Variants in GDF2 observed in about 807,000 individuals in gnomAD.
The protein encoded by GDF2 is growth differentiation factor 2.
A neutral mutation model predicts 16.9 loss-of-function variants in GDF2; 17 were observed. That is an observed-to-expected ratio of 1.00 (90% CI 0.69 to 1.51). The LOEUF (loss-of-function observed/expected upper bound fraction) is 1.51. GDF2 is among the 40% of genes most tolerant of loss of function. GDF2 has a pLI of 0.00. For synonymous variants in GDF2, 276 were observed against 237.6 expected (o/e 1.16, Z -1.49); for missense variants, 523 against 556.3 (o/e 0.94, Z 0.60).
In GDF2 at chr10:47,322,738, C is replaced by T. The variant is rs1657354184; in HGVS notation, c.70C>T (p.Pro24Ser). 2 of 1,607,832 alleles carry T rather than the reference C, an allele frequency of 1.2e-6. No individual in the cohort carries two copies. The highest frequency in any genetic ancestry group is 1.7e-6 in the Non-Finnish European group (2 of 1,176,194). The part of the protein sequence containing the change: ...SLLAGSLQGK[P>S]LQSWGRGSAG... ...GCTGGCTGGCTCCCTACAGGGGAAG[C>T]CACTGCAGAGCTGGGGACGAGGGTC... Residue 24 changes from proline to serine, a missense_variant, in exon 1 of 2, where the codon CCA becomes TCA. Physicochemically the swap from Pro to Ser is moderately conservative, Grantham distance 74. Transcript: ENST00000581492.
rs2132233844 is a variant in GDF2, at chr10:47,322,567, A to G, written c.-102A>G. ...CCAGGACGGTTCCTTCAGAGCAAAC[A>G]GCAGGGAGATGCCGGCCCGCTCCTT... On this transcript the variant is annotated 5_prime_UTR_variant, in exon 1 of 2. Coordinates refer to ENST00000581492, the MANE Select transcript of GDF2 (RefSeq NM_016204.4). 1.2e-6 allele frequency: 1 copy of G among 862,216 alleles called. No individual in the cohort carries two copies. The allele number at this position is 862,216 out of a possible 1,614,324, so 53.4% of individuals were successfully genotyped here.
chr10:47,324,058 G>A (rs1287686670), intron 1 of GDF2, among the ~76,000 whole-genome samples: 1 of 152,248 alleles, frequency 6.6e-6, no homozygotes, highest in Non-Finnish European at 1.5e-5. Flanking sequence ...TCTTTTCCCT[G>A]TCTGTGAACC....
chr10:47,325,637 T>C lies in GDF2; in HGVS notation c.1143T>C (p.His381=). The C allele has an allele frequency of 6.2e-7, 1 of 1,613,730 alleles. No individual in the cohort carries two copies. Among genetic ancestry groups the C allele is most frequent in the Non-Finnish European group, 8.5e-7 (1 of 1,179,704 alleles). ...ACGCTATCGTGCAGACCCTGGTGCATCTCAAGTTCCCCACAAAGGTGGGCA... is the reference window on the plus strand; with the variant it reads ...ACGCTATCGTGCAGACCCTGGTGCACCTCAAGTTCCCCACAAAGGTGGGCA... ...TKHAIVQTLV[H]LKFPTKVGKA... is the part of the protein sequence containing the mutation. Residue 381 remains histidine (H), a synonymous_variant, in exon 2 of 2, where the codon CAT becomes CAC. Coordinates refer to ENST00000581492, the MANE Select transcript of GDF2 (RefSeq NM_016204.4).
rs782348352 is a variant in GDF2 at position 47,324,944 on chromosome 10, C to T, written c.450C>T (p.Leu150=). 1.2e-6 allele frequency: 2 copies of T among 1,614,082 alleles called. No individual in the cohort carries two copies. Among genetic ancestry groups the T allele is most frequent in the Non-Finnish European group, 1.7e-6 (2 of 1,179,970 alleles). ...PRHEQITRAE[L]RLYVSCQNHV... is the part of the protein sequence containing the mutation. ...ATGAGCAGATCACCAGAGCTGAGCT[C>T]CGACTCTATGTCTCCTGTCAAAATC... is the stretch of plus-strand genomic sequence containing the variant. The change falls in exon 2 of 2, where the codon CTC becomes CTT. Residue 150 remains leucine (L), a synonymous_variant. Coordinates refer to ENST00000581492, the MANE Select transcript of GDF2 (RefSeq NM_016204.4).
At position 47,325,575 on chromosome 10, in the gene GDF2, T is replaced by C. The variant is rs782045703; in HGVS notation, c.1081T>C (p.Phe361Leu). ...AGCCTACGAGTGTAAGGGCGGCTGCTTCTTCCCCTTGGCTGACGATGTGAC... is the reference window on the plus strand; with the variant it reads ...AGCCTACGAGTGTAAGGGCGGCTGCCTCTTCCCCTTGGCTGACGATGTGAC... ...YEAYECKGGC[F>L]FPLADDVTPT... is the part of the protein sequence containing the mutation. The change falls in exon 2 of 2, where the codon TTC becomes CTC. Residue 361 changes from phenylalanine to leucine, a missense_variant. Coordinates refer to ENST00000581492, the MANE Select transcript of GDF2 (RefSeq NM_016204.4). 4 of 1,614,156 alleles carry C rather than the reference T, an allele frequency of 2.5e-6. No individual in the cohort carries two copies. The South Asian group carries it at 4.4e-5, about 18-fold the overall frequency.
Position 47,325,113 on chromosome 10 carries a change from G to A in GDF2, c.619G>A (p.Val207Met). Residue 207 changes from valine (V) to methionine (M), a missense_variant, in exon 2 of 2, where the codon GTG (valine) becomes ATG (methionine). By Grantham distance (21) the Val-to-Met change is conservative (BLOSUM62 1). Coordinates refer to ENST00000581492, the MANE Select transcript of GDF2 (RefSeq NM_016204.4). ...GGATGAGGGCTGGGAGACCTTGGAAGTGTCCAGCGCCGTGAAGCGCTGGGT... is the reference window on the plus strand; with the variant it reads ...GGATGAGGGCTGGGAGACCTTGGAAATGTCCAGCGCCGTGAAGCGCTGGGT... ...IQDEGWETLE[V>M]SSAVKRWVRS... 6.2e-7 allele frequency: 1 copy of A among 1,614,058 alleles called. No individual in the cohort carries two copies. The highest frequency in any genetic ancestry group is 1.3e-5 in the African/African-American group (1 of 75,052).
intron 1 of GDF2, among the ~76,000 whole-genome samples, chr10:47,324,367 A>C (rs782660245): frequency 1.3e-5 from 2 of 152,188 alleles, no homozygotes; most frequent in Non-Finnish European, 2.9e-5. Context: ...TACACTCAGG[A>C]TCTTCACTCA....
At position 47,323,034 on chromosome 10, in the gene GDF2, C is replaced by T. The variant is rs782447770; in HGVS notation, c.346+20C>T. On this transcript the variant is annotated intron_variant, in intron 1 of 1. Coordinates refer to ENST00000581492, the MANE Select transcript of GDF2 (RefSeq NM_016204.4). ...TGGAAGGTAGGGTCTCCGCTTGCACCATGCGCGCTGGGGTGGGACTCACAG... is the reference window on the plus strand; with the variant it reads ...TGGAAGGTAGGGTCTCCGCTTGCACTATGCGCGCTGGGGTGGGACTCACAG... The T allele has an allele frequency of 6.4e-7, 1 of 1,551,880 alleles. No individual in the cohort carries two copies. The highest frequency in any genetic ancestry group is 1.2e-5 in the South Asian group (1 of 82,880).
In GDF2 at chr10:47,325,558, A is replaced by G. The variant is rs2061103267; in HGVS notation, c.1064A>G (p.Glu355Gly). ...GCACCCAAGGAGTATGAAGCCTACG[A>G]GTGTAAGGGCGGCTGCTTCTTCCCC... ...IIAPKEYEAY[E>G]CKGGCFFPLA... The change falls in exon 2 of 2, where the codon GAG becomes GGG. Residue 355 changes from glutamate to glycine, a missense_variant. Transcript: ENST00000581492. The G allele has an allele frequency of 6.2e-7, 1 of 1,614,006 alleles. No individual in the cohort carries two copies. The highest frequency in any genetic ancestry group is 8.5e-7 in the Non-Finnish European group (1 of 1,180,042).
chr10:47,322,546 G>A lies in GDF2; in HGVS notation c.-123G>A, dbSNP rs573950991. On this transcript the variant is annotated 5_prime_UTR_variant, in exon 1 of 2. Transcript: ENST00000581492. ...GCGGGTGAGAGTGGGTGCTGGCCAG[G>A]ACGGTTCCTTCAGAGCAAACAGCAG... 4.9e-4 allele frequency: 353 copies of A among 720,404 alleles called. 4 individuals are homozygous for A. In the South Asian group the frequency reaches 7.2e-3, roughly 15 times the overall value. 44.6% of individuals were successfully genotyped at this position (720,404 alleles called of 1,614,324 possible). A position where few individuals can be genotyped will look rare whatever the true frequency, so the allele number is the denominator to read the frequency against.
intron 1 of GDF2, among the ~76,000 whole-genome samples, chr10:47,324,429 C>T (rs1261767152): frequency 6.6e-6 from 1 of 152,170 alleles, no homozygotes. Context: ...TAGCTGTGTG[C>T]TAGTAAGTCC....
At position 47,326,831 on chromosome 10, in the gene GDF2, C is replaced by G. The variant is rs543189072; in HGVS notation, c.*1047C>G. 6.6e-6 allele frequency among the ~76,000 whole-genome samples: 1 copy of G among 152,370 alleles called. No homozygotes were observed. Among genetic ancestry groups the G allele is most frequent in the East Asian group, 1.9e-4 (1 of 5,184 alleles). On this transcript the variant is annotated 3_prime_UTR_variant, in exon 2 of 2. Coordinates refer to ENST00000581492, the MANE Select transcript of GDF2 (RefSeq NM_016204.4). ...ATAGCCAGCTCACCAGCATGCCATG[C>G]CCAGGGTGCCCCCCAGTGACAACCT...
Position 47,325,902 on chromosome 10 carries a change from A to C in GDF2, c.*118A>C, listed in dbSNP as rs1238463046. 1.4e-6 allele frequency: 1 copy of C among 740,384 alleles called. No individual in the cohort carries two copies. The highest frequency in any genetic ancestry group is 1.8e-5 in the African/African-American group (1 of 56,516). The allele number at this position is 740,384 out of a possible 1,614,324, so 45.9% of individuals were successfully genotyped here. ...CATGCCAGCCTGGAGGAGGAAAGGG[A>C]GCCTGCTCTCCCTCCCCACACCCCA... On this transcript the variant is annotated 3_prime_UTR_variant, in exon 2 of 2. Coordinates refer to ENST00000581492, the MANE Select transcript of GDF2 (RefSeq NM_016204.4).
chr10:47,325,509 A>G lies in GDF2; in HGVS notation c.1015A>G (p.Ile339Val). The G allele has an allele frequency of 6.2e-7, 1 of 1,613,876 alleles. No individual in the cohort carries two copies. Among genetic ancestry groups the G allele is most frequent in the Non-Finnish European group, 8.5e-7 (1 of 1,180,032 alleles). Residue 339 changes from isoleucine to valine, a missense_variant, in exon 2 of 2, where the codon ATC (isoleucine) becomes GTC (valine). By Grantham distance (29) the Ile-to-Val change is conservative. Transcript: ENST00000581492. The part of the protein sequence containing the change: ...KTSLRVNFED[I>V]GWDSWIIAPK... Reference sequence around the variant, plus strand: ...CTCCCTGCGGGTAAACTTCGAGGACATCGGCTGGGACAGCTGGATCATTGC... The same window carrying G: ...CTCCCTGCGGGTAAACTTCGAGGACGTCGGCTGGGACAGCTGGATCATTGC...
At position 47,325,901 on chromosome 10, in the gene GDF2, G is replaced by A. The variant is rs571697561; in HGVS notation, c.*117G>A. 4 of 744,150 alleles carry A rather than the reference G, an allele frequency of 5.4e-6. No homozygotes were observed. The highest frequency in any genetic ancestry group is 6.3e-6 in the Non-Finnish European group (3 of 475,186). 46.1% of individuals were successfully genotyped at this position (744,150 alleles called of 1,614,324 possible). Reference sequence around the variant, plus strand: ...GCATGCCAGCCTGGAGGAGGAAAGGGAGCCTGCTCTCCCTCCCCACACCCC... The same window carrying A: ...GCATGCCAGCCTGGAGGAGGAAAGGAAGCCTGCTCTCCCTCCCCACACCCC... On this transcript the variant is annotated 3_prime_UTR_variant, in exon 2 of 2. Coordinates refer to ENST00000581492, the MANE Select transcript of GDF2 (RefSeq NM_016204.4).
chr10:47,325,308 C>G lies in GDF2; in HGVS notation c.814C>G (p.Leu272Val). ...SSGTKETRLE[L>V]REMISHEQES... ...TGGGACCAAGGAGACCAGGCTGGAG[C>G]TGAGGGAGATGATCAGCCATGAACA... The change falls in exon 2 of 2, where the codon CTG becomes GTG. Residue 272 changes from leucine to valine, a missense_variant. Leu to Val is a conservative substitution (Grantham distance 32). Transcript: ENST00000581492. 1.2e-6 allele frequency: 2 copies of G among 1,614,144 alleles called. No homozygotes were observed. Among genetic ancestry groups the G allele is most frequent in the Non-Finnish European group, 1.7e-6 (2 of 1,180,032 alleles).
At chr10:47,324,098 A>T (rs2061094977) in intron 1 of GDF2, among the ~76,000 whole-genome samples, 1 of 152,276 alleles carries the variant, frequency 6.6e-6, no homozygotes, top group Non-Finnish European at 1.5e-5. Context: ...CGTGCTAATG[A>T]CAAAGTGTCA....
rs1309980102 is a variant in GDF2 at position 47,327,113 on chromosome 10, A to G, written c.*1329A>G. On this transcript the variant is annotated 3_prime_UTR_variant, in exon 2 of 2. Coordinates refer to ENST00000581492, the MANE Select transcript of GDF2 (RefSeq NM_016204.4). The stretch of plus-strand genomic sequence containing the variant: ...GGGCTCGGACTGTGGGACCAGACTC[A>G]GCCTCCCCGAACACAAGGGAAGATA... Among the ~76,000 whole-genome samples the G allele has an allele frequency of 1.1e-4, 16 of 152,138 alleles. No individual in the cohort carries two copies. Among genetic ancestry groups the G allele is most frequent in the African/African-American group, 3.9e-4 (16 of 41,424 alleles).
chr10:47,322,684 C>T lies in GDF2; in HGVS notation c.16C>T (p.Leu6=). 1.3e-6 allele frequency: 2 copies of T among 1,565,032 alleles called. No homozygotes were observed. The highest frequency in any genetic ancestry group is 8.7e-7 in the Non-Finnish European group (1 of 1,151,070). ...CGGGCCTAAGATGTGTCCTGGGGCA[C>T]TGTGGGTGGCCCTGCCCCTGCTGTC... The part of the protein sequence containing the change: MCPGA[L]WVALPLLSLL... Residue 6 remains leucine (L), a synonymous_variant, in exon 1 of 2, where the codon CTG becomes TTG. Transcript: ENST00000581492.
Sources: gnomAD v4.1 joint callset for allele counts (sites outside exome capture counted in the v4.1 genomes callset) on GRCh38, gnomAD v4.1.1 for gene constraint, MANE v1.5 for transcripts, NCBI Gene and HGNC (gene_info 2026-07-23, HGNC 2026-07-21) for gene names.